RAB38: variants seen among roughly 807,000 people sequenced by gnomAD.
The protein encoded by RAB38 is ras-related protein Rab-38.
RAB38 carries 15 observed loss-of-function variants against 18.4 expected under a neutral mutation model. The observed-to-expected ratio is 0.82, with a 90% CI of 0.55 to 1.26. The LOEUF is 1.26. RAB38 is among the 50% of genes most tolerant of loss of function. The pLI is 0.00. For missense variants in RAB38, 294 were observed against 267.4 expected (o/e 1.10, Z -0.69); for synonymous variants, 101 against 104.4 (o/e 0.97, Z 0.20).
chr11:88,022,574 G>T, the RAB38 span, among the ~76,000 whole-genome samples: 9 of 111,262 alleles, frequency 8.1e-5, no homozygotes, highest in Admixed American at 1.3e-3. Flanking sequence ...ATTTGCAGAT[G>T]ACATGATTCT....
intron 2 of RAB38, among the ~76,000 whole-genome samples, chr11:88,132,312 T>C (rs1222336915): frequency 6.6e-6 from 1 of 152,246 alleles, no homozygotes; most frequent in Non-Finnish European, 1.5e-5. Context: ...GAGCCATTTA[T>C]GACGTCCTTG....
chr11:88,115,043 T>C (rs1385190799), intron 2 of RAB38, among the ~76,000 whole-genome samples: 2 of 152,190 alleles, frequency 1.3e-5, no homozygotes, highest in African/African-American at 4.8e-5. Context: ...GAGCAAACAT[T>C]TGAATCTAAA....
the RAB38 span, among the ~76,000 whole-genome samples, chr11:88,073,593 T>C: frequency 1.3e-5 from 2 of 152,232 alleles, no homozygotes; most frequent in African/African-American, 4.8e-5. Flanking sequence ...ATTACTGGAA[T>C]AAATAATCCT....
At chr11:87,900,673 AAGG>A in the RAB38 span, among the ~76,000 whole-genome samples, 2 of 115,428 alleles carry the variant, frequency 1.7e-5, no homozygotes, top group Non-Finnish European at 3.6e-5. Flanking sequence ...GGAAGGAAGG[AAGG>A]AAGGAAGGAA....
At chr11:87,847,291 T>C in the RAB38 span, among the ~76,000 whole-genome samples, 1 of 152,056 alleles carries the variant, frequency 6.6e-6, no homozygotes, top group Non-Finnish European at 1.5e-5. Context: ...ATCAACAGTA[T>C]CAGTAATGAA....
At chr11:87,915,670 C>A in the RAB38 span, among the ~76,000 whole-genome samples, 1 of 152,156 alleles carries the variant, frequency 6.6e-6, no homozygotes, top group African/African-American at 2.4e-5. Context: ...AAATGGACAA[C>A]CAGCGGCATG....
the RAB38 span, among the ~76,000 whole-genome samples, chr11:87,926,506 TG>T: frequency 7.4e-6 from 1 of 135,788 alleles, no homozygotes; most frequent in African/African-American, 2.9e-5. Flanking sequence ...AGTCAAATGG[TG>T]GTTTTTTTGT....
chr11:87,857,109 T>C, the RAB38 span, among the ~76,000 whole-genome samples: 2,665 of 151,490 alleles, frequency 0.018, 59 homozygotes, highest in African/African-American at 0.057. Flanking sequence ...TGAGAACATG[T>C]GGTGTTTGGT....
chr11:88,031,145 A>C, the RAB38 span, among the ~76,000 whole-genome samples: 2,579 of 152,208 alleles, frequency 0.017, 69 homozygotes, highest in African/African-American at 0.059. Context: ...TTATCTCAAT[A>C]GATGCAGAAA....
At chr11:88,015,577 C>G in the RAB38 span, among the ~76,000 whole-genome samples, 1 of 152,070 alleles carries the variant, frequency 6.6e-6, no homozygotes, top group Non-Finnish European at 1.5e-5. Context: ...GTTAATCATA[C>G]TCTTGTGGTG....
At chr11:88,066,787 T>C in the RAB38 span, among the ~76,000 whole-genome samples, 1 of 152,212 alleles carries the variant, frequency 6.6e-6, no homozygotes, top group Admixed American at 6.5e-5. Flanking sequence ...CAATTTCTCA[T>C]CGAGGTATAG....
chr11:87,831,115 C>T, the RAB38 span, among the ~76,000 whole-genome samples: 11 of 152,190 alleles, frequency 7.2e-5, no homozygotes, highest in East Asian at 1.9e-4. Context: ...CTGGAAATTA[C>T]GTTTTAGAGA....
the RAB38 span, among the ~76,000 whole-genome samples, chr11:87,806,974 C>A: frequency 6.6e-6 from 1 of 152,162 alleles, no homozygotes; most frequent in Non-Finnish European, 1.5e-5. Flanking sequence ...CCAGGCTGCA[C>A]ACCAGGAGGT....
At chr11:88,083,939 T>A in the RAB38 span, among the ~76,000 whole-genome samples, 1 of 151,978 alleles carries the variant, frequency 6.6e-6, no homozygotes, top group Non-Finnish European at 1.5e-5. Flanking sequence ...ACAAATGAAC[T>A]AAGACAGAAG....
At chr11:87,869,406 A>G in the RAB38 span, among the ~76,000 whole-genome samples, 123 of 151,644 alleles carry the variant, frequency 8.1e-4, no homozygotes, top group Non-Finnish European at 1.4e-3. Context: ...ATTCCTTGAG[A>G]GCCTGAATAA....
chr11:87,976,058 A>T, the RAB38 span, among the ~76,000 whole-genome samples: 1 of 150,844 alleles, frequency 6.6e-6, no homozygotes, highest in Non-Finnish European at 1.5e-5. Flanking sequence ...AAAGAAATAG[A>T]ATTAACAAAA....
chr11:88,173,271 A>C (rs1591182090), intron 1 of RAB38, among the ~76,000 whole-genome samples: 1 of 152,218 alleles, frequency 6.6e-6, no homozygotes, highest in African/African-American at 2.4e-5. Context: ...TAGTGTGATA[A>C]TAATCCTTGC....
chr11:88,151,196 A>G (rs1401118382), intron 1 of RAB38, among the ~76,000 whole-genome samples: 1 of 152,202 alleles, frequency 6.6e-6, no homozygotes, highest in African/African-American at 2.4e-5. Context: ...TATGTACTGC[A>G]GAGTTTTGCC....
chr11:87,886,920 A>G, the RAB38 span, among the ~76,000 whole-genome samples: 1 of 150,358 alleles, frequency 6.7e-6, no homozygotes, highest in Admixed American at 6.7e-5. Context: ...ATGAAAGGTT[A>G]TATCTGTCAC....
Sources: allele counts gnomAD v4.1 joint callset (sites outside exome capture counted in the v4.1 genomes callset), GRCh38; gene constraint gnomAD v4.1.1; transcripts MANE v1.5; gene names NCBI Gene and HGNC (gene_info 2026-07-23, HGNC 2026-07-21).